Variants in SLC27A1 observed in about 807,000 individuals in gnomAD.
SLC27A1 encodes the protein solute carrier family 27 member 1.
SLC27A1 carries 61 observed loss-of-function variants against 62.2 expected under a neutral mutation model. The observed-to-expected ratio is 0.98, with a 90% confidence interval of 0.80 to 1.21. The LOEUF (loss-of-function observed/expected upper bound fraction) is 1.21. SLC27A1 is among the 50% of genes most tolerant of loss of function. SLC27A1 has a pLI of 0.00. For synonymous variants in SLC27A1, 435 were observed against 408.6 expected, an observed-to-expected ratio of 1.06 and a Z score of -0.78; for missense variants, 903 against 932.1, an observed-to-expected ratio of 0.97 and a Z score of 0.41.
intron 11 of SLC27A1, among the ~76,000 whole-genome samples, chr19:17,503,214 A>C (rs1458675196): frequency 6.6e-6 from 1 of 151,890 alleles, no homozygotes; most frequent in Non-Finnish European, 1.5e-5. Context: ...TGGGAGCTAC[A>C]ATTCAAGATG....
chr19:17,477,392 C>T (rs1353581302), intron 1 of SLC27A1, among the ~76,000 whole-genome samples: 1 of 150,090 alleles, frequency 6.7e-6, no homozygotes, highest in East Asian at 2.0e-4. Context: ...CAGGTGTGCA[C>T]CACCATGCCT....
In SLC27A1 at chr19:17,504,886, T is replaced by G. The variant is rs1422898870; in HGVS notation, c.*274T>G. 1.6e-6 allele frequency: 1 copy of G among 612,540 alleles called. No individual in the cohort carries two copies. The highest frequency in any genetic ancestry group is 1.8e-5 in the African/African-American group (1 of 54,862). 37.9% of individuals were successfully genotyped at this position (612,540 alleles called of 1,614,324 possible). A position where few individuals can be genotyped will look rare whatever the true frequency, so the allele number is the denominator to read the frequency against. ...GCCTTAACTCTTCCCTCTTTTTCTT[T>G]TCTTTCTTTCTTTCTTTTTTTTTTA... On this transcript the variant is annotated 3_prime_UTR_variant, in exon 12 of 12. Transcript: ENST00000252595.
intron 2 of SLC27A1, 33 bp from the exon 3 acceptor site, chr19:17,487,141 C>T (rs1217942134): frequency 1.2e-6 from 2 of 1,613,258 alleles, no homozygotes; most frequent in Admixed American, 1.7e-5. Context: ...GCCTGTCCGG[C>T]GGTGACCATG....
At chr19:17,481,990 C>G in intron 1 of SLC27A1, among the ~76,000 whole-genome samples, 1 of 151,988 alleles carries the variant, frequency 6.6e-6, no homozygotes, top group Admixed American at 6.5e-5. Context: ...TGGCTGCTCT[C>G]TCCCTAGGCC....
Position 17,501,541 on chromosome 19 carries a change from C to T in SLC27A1, c.1783+122C>T, listed in dbSNP as rs142771530. On this transcript the variant is annotated intron_variant, in intron 11 of 11. Transcript: ENST00000252595. ...GGCCGGGGCCAGGCACGGTGGCTCA[C>T]GCCTGTAATCCCAGCACTTTGGGAG... is the stretch of plus-strand genomic sequence containing the variant. The T allele has an allele frequency of 4.6e-3, 6,201 of 1,349,402 alleles. 199 individuals are homozygous for T. In the African/African-American group the frequency reaches 0.075, roughly 16 times the overall value. The allele number at this position is 1,349,402 out of a possible 1,614,324, so 83.6% of individuals were successfully genotyped here.
At chr19:17,497,096 C>T in intron 6 of SLC27A1, 159 bp from the exon 7 acceptor site, 1 of 565,916 alleles carries the variant, frequency 1.8e-6, no homozygotes. Context: ...CAATGTGGTC[C>T]CTAATGGAGT....
intron 1 of SLC27A1, among the ~76,000 whole-genome samples, chr19:17,482,426 G>A (rs1035435359): frequency 7.9e-5 from 12 of 152,112 alleles, no homozygotes; most frequent in Admixed American, 7.2e-4. Context: ...GCCGAGGCGG[G>A]TGGATCACGA....
Position 17,501,384 on chromosome 19 carries a change from T to G in SLC27A1, c.1748T>G (p.Ile583Ser), listed in dbSNP as rs369864347. ...GTGCTGGCACCCTATGCCCGGCCCA[T>G]CTTCCTGCGCCTCCTGCCCCAGGTG... ...QKVLAPYARP[I>S]FLRLLPQVDT... The change falls in exon 11 of 12, where the codon ATC becomes AGC. Residue 583 changes from isoleucine to serine, a missense_variant. By Grantham distance (142) the Ile-to-Ser change is moderately radical. Transcript: ENST00000252595. 1.2e-5 allele frequency: 20 copies of G among 1,613,702 alleles called. No homozygotes were observed. The highest frequency in any genetic ancestry group is 1.7e-5 in the Admixed American group (1 of 59,982).
intron 6 of SLC27A1, 68 bp from the exon 7 acceptor site, chr19:17,497,187 C>G: frequency 1.5e-6 from 2 of 1,362,872 alleles, no homozygotes; most frequent in South Asian, 2.7e-5. Flanking sequence ...GTCTCGGGGT[C>G]TCTCCTCTGA....
intron 1 of SLC27A1, among the ~76,000 whole-genome samples, chr19:17,476,589 G>A (rs938914263): frequency 3.3e-5 from 5 of 151,258 alleles, no homozygotes; most frequent in Non-Finnish European, 7.4e-5. Flanking sequence ...GGCACCTGCT[G>A]TGTGCCTCAT....
rs1032895446 is a variant in SLC27A1, at chr19:17,505,889, G to A, written c.*1277G>A. The A allele has an allele frequency of 1.3e-5, 2 of 152,550 alleles. No homozygotes were observed. Among genetic ancestry groups the A allele is most frequent in the Admixed American group, 1.3e-4 (2 of 15,278 alleles). The allele number at this position is 152,550 out of a possible 1,614,324, so 9.4% of individuals were successfully genotyped here. A position where few individuals can be genotyped will look rare whatever the true frequency, so the allele number is the denominator to read the frequency against. On this transcript the variant is annotated 3_prime_UTR_variant, in exon 12 of 12. Coordinates refer to ENST00000252595, the MANE Select transcript of SLC27A1 (RefSeq NM_198580.3). ...TGGCCCCTCCGATGTCCCCACTGAT[G>A]GCTCTGACACCGTGTTGGTGGCGAT...
intron 1 of SLC27A1, among the ~76,000 whole-genome samples, chr19:17,478,768 G>C (rs1568411312): frequency 3.3e-5 from 5 of 151,942 alleles, no homozygotes; most frequent in Admixed American, 3.3e-4. Flanking sequence ...GAGGTGGGAG[G>C]ATTGCTTGAG....
intron 1 of SLC27A1, among the ~76,000 whole-genome samples, chr19:17,480,037 T>A (rs528214110): frequency 3.2e-4 from 48 of 152,024 alleles, no homozygotes; most frequent in African/African-American, 4.3e-4. Context: ...TACAAAAAAA[T>A]TTTTTTTTGA....
chr19:17,469,094 T>G (rs1301588508), upstream of SLC27A1: 1 of 152,162 alleles, frequency 6.6e-6, no homozygotes, highest in Non-Finnish European at 1.5e-5. Context: ...GGGGTGCAAG[T>G]AAAGGGCCTG....
At position 17,488,948 on chromosome 19, in the gene SLC27A1, G is replaced by A; in HGVS notation, c.886+9G>A. ...CCTGTACCACTCGGCAGGTACTACG[G>A]CCTGGGTAGGGAATGGTGGGTGGGG... On this transcript the variant is annotated intron_variant, in intron 5 of 11. Transcript: ENST00000252595. The A allele has an allele frequency of 1.2e-6, 2 of 1,614,148 alleles. No homozygotes were observed. The highest frequency in any genetic ancestry group is 2.2e-5 in the South Asian group (2 of 91,082).
In SLC27A1 at chr19:17,504,675, GCGC is replaced by G. The variant is rs532377783; in HGVS notation, c.*64_*66del. 36 of 1,603,854 alleles carry G rather than the reference GCGC, an allele frequency of 2.2e-5. No homozygotes were observed. In the Admixed American group the frequency reaches 5.4e-4, roughly 24 times the overall value. Reference sequence around the variant, plus strand: ...GGGAGAGGCCAGCTTGAGCCAGACAGCGCTGCCCAGGGGTGGCCGCCTAGTACA... The same window carrying G: ...GGGAGAGGCCAGCTTGAGCCAGACAGTGCCCAGGGGTGGCCGCCTAGTACA... On this transcript the variant is annotated 3_prime_UTR_variant, in exon 12 of 12. Transcript: ENST00000252595.
intron 4 of SLC27A1, 176 bp from the exon 5 acceptor site, chr19:17,488,672 G>C (rs564661136): frequency 6.4e-6 from 4 of 629,276 alleles, no homozygotes; most frequent in Non-Finnish European, 1.1e-5. Flanking sequence ...TATATCCCTC[G>C]TGACACCTAA....
intron 1 of SLC27A1, among the ~76,000 whole-genome samples, chr19:17,483,664 A>G (rs12985511): frequency 0.079 from 12,039 of 151,940 alleles, 613 homozygotes; most frequent in Middle Eastern, 0.12. Context: ...CATGGCTTTC[A>G]TTGTGAACCC....
At chr19:17,487,639 A>T (rs899304113) in intron 4 of SLC27A1, 110 bp downstream of exon 4, 2 of 1,098,720 alleles carry the variant, frequency 1.8e-6, no homozygotes, top group African/African-American at 3.1e-5. Context: ...TACCCTGGGG[A>T]CAGAGAGGGC....
Sources: allele counts gnomAD v4.1 joint callset (sites outside exome capture counted in the v4.1 genomes callset), GRCh38; gene constraint gnomAD v4.1.1; transcripts MANE v1.5; gene names NCBI Gene and HGNC (gene_info 2026-07-23, HGNC 2026-07-21).